The following TBCK variants were observed in gnomAD, a reference collection of about 807,000 sequenced individuals.
TBCK encodes the protein TBC1 domain containing kinase, also known as TBC domain-containing protein kinase-like protein.
TBCK carries 99 observed loss-of-function variants against 113.4 expected under a neutral mutation model. That is an observed-to-expected ratio of 0.87 (90% CI 0.74 to 1.03). TBCK has a LOEUF of 1.03. TBCK is among the 50% of genes least tolerant of loss of function. The pLI is 0.00. For missense variants in TBCK, 1,045 were observed against 1,061.3 expected (o/e 0.98, Z 0.21); for synonymous variants, 369 against 370.8 (o/e 1.00, Z 0.05).
intron 23 of TBCK, among the ~76,000 whole-genome samples, chr4:106,122,321 C>T (rs1051521267): frequency 1.5e-4 from 23 of 152,174 alleles, no homozygotes; most frequent in African/African-American, 5.5e-4. Flanking sequence ...CAAGACTAAA[C>T]CAGGAAGAAG....
rs184417054 is a variant in TBCK, at chr4:106,231,418, T to C, written c.1690+311A>G. ...GATAGGCTTTGGAGATGCAAGGTTA[T>C]GGAAAAGTGCCACCATAATTGATTT... On this transcript the variant is annotated intron_variant, in intron 18 of 25. Coordinates refer to ENST00000394708, the MANE Select transcript of TBCK (RefSeq NM_001163435.3). 1.3e-4 allele frequency among the ~76,000 whole-genome samples: 19 copies of C among 151,894 alleles called. No individual in the cohort carries two copies. In the South Asian group the frequency reaches 3.9e-3, roughly 31 times the overall value.
At chr4:106,125,408 A>C (rs1367212596) in intron 23 of TBCK, among the ~76,000 whole-genome samples, 1 of 152,160 alleles carries the variant, frequency 6.6e-6, no homozygotes, top group African/African-American at 2.4e-5. Context: ...AAAAGAATGA[A>C]ATCCTGCCGA....
intron 25 of TBCK, among the ~76,000 whole-genome samples, chr4:106,094,764 T>C (rs1270639747): frequency 6.6e-6 from 1 of 152,168 alleles, no homozygotes; most frequent in Non-Finnish European, 1.5e-5. Context: ...AAAAAAGCTG[T>C]CTGCAGGGAG....
chr4:106,306,965 C>T (rs548183100), intron 2 of TBCK, among the ~76,000 whole-genome samples: 1 of 152,170 alleles, frequency 6.6e-6, no homozygotes, highest in East Asian at 1.9e-4. Context: ...TATGAAAAAA[C>T]AAATTTTTTT....
chr4:106,232,260 C>T (rs2149994915), intron 17 of TBCK, among the ~76,000 whole-genome samples: 2 of 151,688 alleles, frequency 1.3e-5, no homozygotes, highest in South Asian at 2.1e-4. Context: ...CATGTATTGT[C>T]ATGTTGAAAG....
Position 106,136,843 on chromosome 4 carries a change from C to T in TBCK, c.2236-20465G>A, listed in dbSNP as rs752233225. Among the ~76,000 whole-genome samples the T allele has an allele frequency of 1.4e-5, 2 of 140,262 alleles. 1 individual carries two copies. Among genetic ancestry groups the T allele is most frequent in the Non-Finnish European group, 3.2e-5 (2 of 61,842 alleles). The allele number at this position is 140,262 out of a possible 152,430, so 92.0% of individuals were successfully genotyped here. On this transcript the variant is annotated intron_variant, in intron 23 of 25. Coordinates refer to ENST00000394708, the MANE Select transcript of TBCK (RefSeq NM_001163435.3). ...ATTGCCCAGCAGAGAGCCTGGAACT[C>T]AGTAGCTATTCAGTAAAATTGGTTA... is the stretch of plus-strand genomic sequence containing the variant.
At chr4:106,060,187 T>C (rs539179115) in intron 25 of TBCK, among the ~76,000 whole-genome samples, 1 of 151,870 alleles carries the variant, frequency 6.6e-6, no homozygotes, top group East Asian at 1.9e-4. Flanking sequence ...CTAGCTAAGA[T>C]TGCTGATGAC....
chr4:106,290,176 T>A (rs1765540978), intron 3 of TBCK, among the ~76,000 whole-genome samples: 2 of 151,920 alleles, frequency 1.3e-5, no homozygotes. Context: ...AATATATTAT[T>A]TTATTTATTT....
Position 106,251,956 on chromosome 4 carries a change from G to A in TBCK, c.507C>T (p.Thr169=). ...GTTTTTTACTTGGCATGTGATCAGT[G>A]GTTTTGAAAATTCCCTGTGCAATTA... ...PEVIAQGIFK[T]TDHMPSKKPL... The change falls in exon 6 of 26, where the codon ACC becomes ACT. Residue 169 remains threonine (T), a synonymous_variant. Coordinates refer to ENST00000394708, the MANE Select transcript of TBCK (RefSeq NM_001163435.3). 6.2e-7 allele frequency: 1 copy of A among 1,611,916 alleles called. No homozygotes were observed. The highest frequency in any genetic ancestry group is 8.5e-7 in the Non-Finnish European group (1 of 1,178,574).
At chr4:106,209,392 C>CCA (rs1361122795) in intron 20 of TBCK, among the ~76,000 whole-genome samples, 1 of 152,122 alleles carries the variant, frequency 6.6e-6, no homozygotes, top group Non-Finnish European at 1.5e-5. Context: ...TAAAATATGA[C>CCA]CAATACAATA....
chr4:106,069,080 C>T (rs1252806523), intron 25 of TBCK, among the ~76,000 whole-genome samples: 2 of 152,150 alleles, frequency 1.3e-5, no homozygotes, highest in Non-Finnish European at 2.9e-5. Flanking sequence ...AAAATTTTCT[C>T]CCATTCTATA....
In TBCK at chr4:106,137,303, A is replaced by G. The variant is rs958067283; in HGVS notation, c.2236-20925T>C. ...AATGCTGAGAAAAATCTTAAATTGT[A>G]TAATATTAATAAGACTTGTAAAAAC... is the stretch of plus-strand genomic sequence containing the variant. On this transcript the variant is annotated intron_variant, in intron 23 of 25. Coordinates refer to ENST00000394708, the MANE Select transcript of TBCK (RefSeq NM_001163435.3). Among the ~76,000 whole-genome samples, 3 of 141,056 alleles carry G rather than the reference A, an allele frequency of 2.1e-5. 1 individual carries two copies. Among genetic ancestry groups the G allele is most frequent in the African/African-American group, 7.5e-5 (3 of 39,990 alleles). 92.5% of individuals were successfully genotyped at this position (141,056 alleles called of 152,430 possible).
rs948887042 is a variant in TBCK at position 106,122,044 on chromosome 4, T to C, written c.2236-5666A>G. Reference sequence around the variant, plus strand: ...AAAATCAGAGCAGAACTGAAGGAAATAGAGACAGAAAAAACCCTTCAAAAA... The same window carrying C: ...AAAATCAGAGCAGAACTGAAGGAAACAGAGACAGAAAAAACCCTTCAAAAA... On this transcript the variant is annotated intron_variant, in intron 23 of 25. Transcript: ENST00000394708. Among the ~76,000 whole-genome samples the C allele has an allele frequency of 4.6e-5, 7 of 151,896 alleles. No homozygotes were observed. The South Asian group carries it at 1.2e-3, about 27-fold the overall frequency.
At chr4:106,055,697 AT>A (rs1012070716) in intron 25 of TBCK, among the ~76,000 whole-genome samples, 1 of 151,144 alleles carries the variant, frequency 6.6e-6, no homozygotes, top group South Asian at 2.1e-4. Context: ...CACTTATGCA[AT>A]TTTTTTCTTA....
intron 20 of TBCK, among the ~76,000 whole-genome samples, chr4:106,211,410 T>C (rs1408181216): frequency 6.6e-6 from 1 of 152,070 alleles, no homozygotes; most frequent in Non-Finnish European, 1.5e-5. Context: ...ATATAAGTAT[T>C]TTTCAAATTT....
intron 3 of TBCK, among the ~76,000 whole-genome samples, chr4:106,272,932 C>T (rs1763652936): frequency 6.6e-6 from 1 of 152,178 alleles, no homozygotes; most frequent in Non-Finnish European, 1.5e-5. Flanking sequence ...GTTCACTTAA[C>T]TGAATAGTCT....
chr4:106,308,618 G>A lies in TBCK; in HGVS notation c.193+150C>T, dbSNP rs922267481. 249 of 705,212 alleles carry A rather than the reference G, an allele frequency of 3.5e-4. 1 individual carries two copies. In the Middle Eastern group the frequency reaches 4.1e-3, roughly 12 times the overall value. 43.7% of individuals were successfully genotyped at this position (705,212 alleles called of 1,614,324 possible). On this transcript the variant is annotated intron_variant, in intron 2 of 25. Coordinates refer to ENST00000394708, the MANE Select transcript of TBCK (RefSeq NM_001163435.3). ...CAAGTAAATGGGGAAGTGTACGAGA[G>A]AGAGGCAGGGTGGGGGAAAAGGATG...
intron 2 of TBCK, among the ~76,000 whole-genome samples, chr4:106,299,933 T>C (rs1431399676): frequency 2.0e-5 from 3 of 152,206 alleles, no homozygotes; most frequent in Non-Finnish European, 4.4e-5. Context: ...CTGAACTGTG[T>C]GTTTTAGGTT....
chr4:106,185,851 A>G (rs2149791575), intron 22 of TBCK, among the ~76,000 whole-genome samples: 1 of 152,138 alleles, frequency 6.6e-6, no homozygotes, highest in South Asian at 2.1e-4. Flanking sequence ...ATAGAACCCA[A>G]TAGGTATTTT....
Sources: gnomAD v4.1 joint callset for allele counts (sites outside exome capture counted in the v4.1 genomes callset) on GRCh38, gnomAD v4.1.1 for gene constraint, MANE v1.5 for transcripts, NCBI Gene and HGNC (gene_info 2026-07-23, HGNC 2026-07-21) for gene names.